PTPRK: variants seen among roughly 807,000 people sequenced by gnomAD.
The protein encoded by PTPRK is receptor-type tyrosine-protein phosphatase kappa.
Under a neutral mutation model 178.0 loss-of-function variants are expected in PTPRK, and 75 were observed. That is an observed-to-expected ratio of 0.42 (90% CI 0.35 to 0.51). The LOEUF (loss-of-function observed/expected upper bound fraction) is 0.51, where lower values mean the gene tolerates loss of function less well. PTPRK is among the 20% of genes least tolerant of loss of function. PTPRK has a pLI of 0.02. For missense variants in PTPRK, 1,441 were observed against 1,797.8 expected (o/e 0.80, Z 3.59); for synonymous variants, 637 against 620.6 (o/e 1.03, Z -0.39).
chr6:128,437,257 C>T (rs1176308297), intron 1 of PTPRK, among the ~76,000 whole-genome samples: 1 of 152,046 alleles, frequency 6.6e-6, no homozygotes, highest in African/African-American at 2.4e-5. Context: ...TAAAGATAAG[C>T]GTAATATAAG....
At chr6:128,162,129 C>A (rs912337373) in intron 7 of PTPRK, among the ~76,000 whole-genome samples, 2 of 151,508 alleles carry the variant, frequency 1.3e-5, no homozygotes, top group Non-Finnish European at 3.0e-5. Flanking sequence ...CATTATACAA[C>A]CTAATGAGGA....
intron 3 of PTPRK, among the ~76,000 whole-genome samples, chr6:128,243,011 G>A (rs1814743559): frequency 6.6e-6 from 1 of 152,200 alleles, no homozygotes; most frequent in Non-Finnish European, 1.5e-5. Context: ...ACATTAGTAA[G>A]ATAATCTGAG....
At position 128,033,079 on chromosome 6, in the gene PTPRK, G is replaced by T. The variant is rs562117746; in HGVS notation, c.2195-23811C>A. 2.0e-5 allele frequency among the ~76,000 whole-genome samples: 3 copies of T among 152,230 alleles called. No homozygotes were observed. In the East Asian group the frequency reaches 5.8e-4, roughly 29 times the overall value. On this transcript the variant is annotated intron_variant, in intron 13 of 29. Coordinates refer to ENST00000368226, the MANE Select transcript of PTPRK (RefSeq NM_002844.4). ...ATACTACAGGGCTCTTTGGGAAGTT[G>T]GTAGGGATAGATGTAGGAAATCTAG...
At chr6:127,999,878 T>C (rs1336312913) in intron 15 of PTPRK, 1 of 766,408 alleles carries the variant, frequency 1.3e-6, no homozygotes, top group Non-Finnish European at 1.6e-6. Context: ...CCCTGACCAC[T>C]CACAATTAAG....
intron 2 of PTPRK, among the ~76,000 whole-genome samples, chr6:128,374,511 C>T (rs1836745331): frequency 6.6e-6 from 1 of 152,098 alleles, no homozygotes; most frequent in South Asian, 2.1e-4. Context: ...ACTATTGTGT[C>T]CTTCCCAGTG....
intron 2 of PTPRK, among the ~76,000 whole-genome samples, chr6:128,354,231 G>GGTTTTTTTTTTTTTTTTTTTTTTTTTTTT (rs1562341681): frequency 2.0e-5 from 1 of 49,358 alleles, no homozygotes; most frequent in African/African-American, 9.4e-5. Flanking sequence ...TTTTGTTTAT[G>GGTTTTTTTTTTTTTTTTTTTTTTTTTTTT]TTTTTTTTTT....
At chr6:128,334,575 G>C (rs1830663683) in intron 2 of PTPRK, among the ~76,000 whole-genome samples, 1 of 152,172 alleles carries the variant, frequency 6.6e-6, no homozygotes, top group South Asian at 2.1e-4. Context: ...TGATCAATTA[G>C]AGAAGAATTC....
intron 6 of PTPRK, among the ~76,000 whole-genome samples, chr6:128,200,125 C>T (rs1410089032): frequency 1.3e-5 from 2 of 152,158 alleles, no homozygotes; most frequent in African/African-American, 2.4e-5. Flanking sequence ...TTTCCCAGAG[C>T]ATCTCTCTAT....
chr6:128,279,415 T>C (rs553533413), intron 3 of PTPRK, among the ~76,000 whole-genome samples: 113 of 152,258 alleles, frequency 7.4e-4, no homozygotes, highest in Middle Eastern at 3.4e-3. Flanking sequence ...ATACCTTTAA[T>C]TAAAAACACA....
At chr6:128,036,819 C>T (rs540226386) in intron 13 of PTPRK, among the ~76,000 whole-genome samples, 8 of 151,868 alleles carry the variant, frequency 5.3e-5, no homozygotes, top group African/African-American at 1.7e-4. Flanking sequence ...GCAACCTCTG[C>T]CTCCCGGGTT....
intron 3 of PTPRK, among the ~76,000 whole-genome samples, chr6:128,278,975 G>C (rs1821243100): frequency 6.6e-6 from 1 of 152,110 alleles, no homozygotes; most frequent in Non-Finnish European, 1.5e-5. Context: ...CCAGGATGGG[G>C]TCCTGAGCAA....
At chr6:128,155,635 A>G (rs891351542) in intron 7 of PTPRK, among the ~76,000 whole-genome samples, 2 of 151,634 alleles carry the variant, frequency 1.3e-5, no homozygotes, top group African/African-American at 4.8e-5. Flanking sequence ...CACCAACCTA[A>G]TATTAAGAAT....
intron 3 of PTPRK, 47 bp from the exon 4 acceptor site, chr6:128,242,649 A>G: frequency 6.2e-7 from 1 of 1,600,094 alleles, no homozygotes; most frequent in Middle Eastern, 1.7e-4. Flanking sequence ...TTTTCAAGGA[A>G]TTTCTACAGT....
At chr6:128,189,760 T>C (rs1803437557) in intron 6 of PTPRK, among the ~76,000 whole-genome samples, 1 of 152,192 alleles carries the variant, frequency 6.6e-6, no homozygotes, top group Non-Finnish European at 1.5e-5. Context: ...AAAATTTTTA[T>C]CCAGTTCTGG....
chr6:128,397,813 T>C lies in PTPRK; in HGVS notation c.101-125A>G. The C allele has an allele frequency of 4.5e-6, 4 of 889,294 alleles. No individual in the cohort carries two copies. The South Asian group carries it at 8.8e-5, about 20-fold the overall frequency. The allele number at this position is 889,294 out of a possible 1,614,324, so 55.1% of individuals were successfully genotyped here. On this transcript the variant is annotated intron_variant, in intron 1 of 29. Coordinates refer to ENST00000368226, the MANE Select transcript of PTPRK (RefSeq NM_002844.4). The stretch of plus-strand genomic sequence containing the variant: ...TCACAATCTTAATAATAAATGGTAC[T>C]CCTGTTTATCACTATTCTCTTTAAA...
intron 1 of PTPRK, among the ~76,000 whole-genome samples, chr6:128,406,616 T>G (rs1238138280): frequency 6.6e-6 from 1 of 152,214 alleles, no homozygotes; most frequent in Non-Finnish European, 1.5e-5. Flanking sequence ...AGCAAATCAT[T>G]TTGTTAATGT....
intron 1 of PTPRK, among the ~76,000 whole-genome samples, chr6:128,422,297 A>G (rs911041288): frequency 6.6e-6 from 1 of 152,214 alleles, no homozygotes; most frequent in African/African-American, 2.4e-5. Flanking sequence ...CCCAACAAAT[A>G]TAACTACTGT....
intron 3 of PTPRK, among the ~76,000 whole-genome samples, chr6:128,259,409 A>C (rs1817840858): frequency 6.6e-6 from 1 of 152,176 alleles, no homozygotes; most frequent in Admixed American, 6.5e-5. Context: ...TAATTAAGGA[A>C]ACCAAAACAT....
intron 8 of PTPRK, among the ~76,000 whole-genome samples, chr6:128,085,844 C>T (rs1007538567): frequency 4.6e-5 from 7 of 152,098 alleles, no homozygotes; most frequent in African/African-American, 1.7e-4. Flanking sequence ...CTTGGATGAT[C>T]ATAGATGAGA....
Sources: gnomAD v4.1 joint callset for allele counts (sites outside exome capture counted in the v4.1 genomes callset) on GRCh38, gnomAD v4.1.1 for gene constraint, MANE v1.5 for transcripts, NCBI Gene and HGNC (gene_info 2026-07-23, HGNC 2026-07-21) for gene names.